CD99L2: variants seen among roughly 807,000 people sequenced by gnomAD.
CD99L2 encodes CD99 antigen-like protein 2.
In CD99L2, 24 loss-of-function variants were observed where a neutral mutation model predicts 27.3. That is an observed-to-expected ratio of 0.88 (90% CI 0.64 to 1.24). CD99L2 has a LOEUF of 1.24. Ranked by LOEUF, CD99L2 falls within the 50% of genes most tolerant of loss-of-function variation. The probability of loss-of-function intolerance (pLI) is 0.00; values close to 1 mark genes in which losing one functional copy is unlikely to be tolerated. For missense variants in CD99L2, 255 were observed against 221.6 expected (o/e 1.15, Z -0.96); for synonymous variants, 97 against 87.9 (o/e 1.10, Z -0.58).
At chrX:150,790,678 A>G (rs2045671960) in intron 7 of CD99L2, among the ~76,000 whole-genome samples, 1 of 111,774 alleles carries the variant, frequency 8.9e-6, no homozygotes, top group Non-Finnish European at 1.9e-5. Context: ...GACGGGTAGT[A>G]GGAGCTAGGT....
At chrX:150,895,694 C>CA (rs2047594435) in intron 1 of CD99L2, among the ~76,000 whole-genome samples, 1 of 111,512 alleles carries the variant, frequency 9.0e-6, no homozygotes, top group Non-Finnish European at 1.9e-5. Flanking sequence ...AGAAGACCAC[C>CA]AATGCAAAAA....
chrX:150,789,833 T>C (rs1557419673), intron 7 of CD99L2, among the ~76,000 whole-genome samples: 2 of 112,173 alleles, frequency 1.8e-5, no homozygotes, highest in Non-Finnish European at 3.8e-5. Flanking sequence ...TTCAGTGAAC[T>C]GTGTTTGCAT....
chrX:150,817,156 C>A (rs2046172558), intron 2 of CD99L2, among the ~76,000 whole-genome samples: 1 of 101,983 alleles, frequency 9.8e-6, no homozygotes, highest in African/African-American at 3.6e-5. Context: ...ATGTAACTAA[C>A]CTGCACATTG....
chrX:150,771,796 C>T, intron 9 of CD99L2: 1 of 1,155,448 alleles, frequency 8.7e-7, no homozygotes, highest in Non-Finnish European at 1.1e-6. Context: ...GAAGGCAAAG[C>T]AGCGTTACCT....
At chrX:150,834,912 A>G (rs2046503346) in intron 1 of CD99L2, among the ~76,000 whole-genome samples, 1 of 112,642 alleles carries the variant, frequency 8.9e-6, no homozygotes. Context: ...CATCCTTTAA[A>G]AAGAAGGAAA....
At chrX:150,828,713 T>C (rs1364845864) in intron 2 of CD99L2, 2 of 111,647 alleles carry the variant, frequency 1.8e-5, no homozygotes. Flanking sequence ...TTGTCCATCA[T>C]ATTGGTAAAA....
At chrX:150,889,116 T>G (rs2047460246) in intron 1 of CD99L2, among the ~76,000 whole-genome samples, 1 of 112,884 alleles carries the variant, frequency 8.9e-6, no homozygotes, top group Admixed American at 9.4e-5. Context: ...TGTGACTATG[T>G]ATAGTTGCTT....
intron 1 of CD99L2, among the ~76,000 whole-genome samples, chrX:150,887,310 G>T (rs1048789382): frequency 9.2e-6 from 1 of 109,158 alleles, no homozygotes; most frequent in South Asian, 3.9e-4. Context: ...GCCAGGCATG[G>T]TGGCGCATGC....
At chrX:150,794,627 G>A (rs958736436) in intron 6 of CD99L2, among the ~76,000 whole-genome samples, 26 of 112,157 alleles carry the variant, frequency 2.3e-4, no homozygotes, top group Non-Finnish European at 3.0e-4. Flanking sequence ...ACAAACAACC[G>A]CTTTTGTTGG....
intron 2 of CD99L2, chrX:150,829,534 C>T (rs1557421007): frequency 6.1e-6 from 2 of 330,414 alleles, no homozygotes; most frequent in Admixed American, 3.1e-5. Context: ...GAACTTCTAG[C>T]ATCCAGAACA....
chrX:150,798,513 T>C (rs1447495703), intron 4 of CD99L2, among the ~76,000 whole-genome samples: 3 of 111,039 alleles, frequency 2.7e-5, no homozygotes, highest in Non-Finnish European at 3.8e-5. Flanking sequence ...CCCTGACCTA[T>C]ACTACATACA....
At chrX:150,833,811 A>C (rs1557421126) in intron 1 of CD99L2, among the ~76,000 whole-genome samples, 1 of 112,061 alleles carries the variant, frequency 8.9e-6, no homozygotes, top group East Asian at 2.8e-4. Flanking sequence ...GCAAGACCTG[A>C]AACTGCAAAG....
rs782513316 is a variant in CD99L2, at chrX:150,768,518, G to C, written c.*516C>G. 8.7e-6 allele frequency: 1 copy of C among 114,735 alleles called. No homozygotes were observed. The highest frequency in any genetic ancestry group is 3.2e-5 in the African/African-American group (1 of 30,955). The allele number at this position is 114,735 out of a possible 1,213,427, so 9.5% of individuals were successfully genotyped here. A position where few individuals can be genotyped will look rare whatever the true frequency, so the allele number is the denominator to read the frequency against. On this transcript the variant is annotated 3_prime_UTR_variant, in exon 11 of 11. Coordinates refer to ENST00000370377, the MANE Select transcript of CD99L2 (RefSeq NM_031462.4). ...TGCTGCGTGTGTGTGGTGTTACTTG[G>C]TGCTGACCGGTTCGCTCCTTGCAGG...
chrX:150,778,502 GGGGGT>G (rs1282730529), intron 7 of CD99L2, among the ~76,000 whole-genome samples: 5 of 104,185 alleles, frequency 4.8e-5, no homozygotes, highest in Admixed American at 1.0e-4. Context: ...GTGCACATGT[GGGGGT>G]GGGGGAAACA....
At chrX:150,865,468 C>T (rs1465726315) in intron 1 of CD99L2, among the ~76,000 whole-genome samples, 1 of 111,822 alleles carries the variant, frequency 8.9e-6, no homozygotes, top group Non-Finnish European at 1.9e-5. Flanking sequence ...GATTGACTGA[C>T]AAATTAGATA....
intron 1 of CD99L2, among the ~76,000 whole-genome samples, chrX:150,834,146 C>T (rs1050368390): frequency 9.0e-6 from 1 of 111,644 alleles, no homozygotes; most frequent in East Asian, 2.8e-4. Flanking sequence ...GAATGGTCAA[C>T]GGGTATATGA....
rs782752007 is a variant in CD99L2 at position 150,769,059 on chromosome X, G to A, written c.764C>T (p.Pro255Leu). 1.1e-4 allele frequency: 128 copies of A among 1,156,810 alleles called. No homozygotes were observed. The highest frequency in any genetic ancestry group is 1.3e-4 in the Non-Finnish European group (116 of 876,632). ...TCAGATCCGGGCTGGTTCGGGCGGC[G>A]GCGGCGGCTCTGCAGACTGCGTGTG... The part of the protein sequence containing the change: ...TLHTQSAEPP[P>L]PPEPARI The change falls in exon 11 of 11, where the codon CCG becomes CTG. Residue 255 changes from proline (P) to leucine (L), a missense_variant. Transcript: ENST00000370377.
At chrX:150,771,298 G>A (rs1557419057) in intron 9 of CD99L2, among the ~76,000 whole-genome samples, 1 of 112,823 alleles carries the variant, frequency 8.9e-6, no homozygotes, top group African/African-American at 3.2e-5. Flanking sequence ...TGGGCTTGAG[G>A]TGGGAGCCAA....
intron 9 of CD99L2, among the ~76,000 whole-genome samples, chrX:150,772,135 G>A (rs2043467947): frequency 8.9e-6 from 1 of 112,617 alleles, no homozygotes. Flanking sequence ...CAGCTTCTCA[G>A]TGTTTTCAGC....
Sources: gnomAD v4.1 joint callset for allele counts (sites outside exome capture counted in the v4.1 genomes callset) on GRCh38, gnomAD v4.1.1 for gene constraint, MANE v1.5 for transcripts, NCBI Gene and HGNC (gene_info 2026-07-23, HGNC 2026-07-21) for gene names.